OCIAD1: variants seen among roughly 807,000 people sequenced by gnomAD.
OCIAD1 encodes OCIA domain containing 1.
A neutral mutation model predicts 38.9 loss-of-function variants in OCIAD1; 29 were observed. The ratio of observed to expected loss-of-function variants is 0.74; its 90% CI spans 0.55 to 1.02. The LOEUF is 1.02. Ranked by LOEUF, OCIAD1 falls within the 50% of genes least tolerant of loss-of-function variation. The probability of loss-of-function intolerance (pLI) is 0.00; values close to 1 mark genes in which losing one functional copy is unlikely to be tolerated. For synonymous variants in OCIAD1, 110 were observed against 92.0 expected (o/e 1.20, Z -1.12); for missense variants, 288 against 289.6 (o/e 0.99, Z 0.04).
At chr4:48,845,373 A>G (rs1001091976) in intron 4 of OCIAD1, among the ~76,000 whole-genome samples, 19 of 152,212 alleles carry the variant, frequency 1.2e-4, no homozygotes, top group African/African-American at 4.6e-4. Flanking sequence ...AATATAATGG[A>G]CAGTTTTTGT....
At chr4:48,817,588 C>A (rs528126587) in intron 1 of OCIAD1, among the ~76,000 whole-genome samples, 3 of 152,184 alleles carry the variant, frequency 2.0e-5, no homozygotes, top group Non-Finnish European at 4.4e-5. Flanking sequence ...ATTGTTTACT[C>A]CCCTGGAAAG....
chr4:48,842,532 C>A (rs1778630761), intron 3 of OCIAD1, 104 bp from the exon 4 acceptor site: 1 of 719,660 alleles, frequency 1.4e-6, no homozygotes, highest in East Asian at 2.6e-5. Flanking sequence ...CTTAGTTATG[C>A]AATATAATTC....
chr4:48,850,804 A>G (rs1779384919), intron 6 of OCIAD1, among the ~76,000 whole-genome samples: 1 of 152,098 alleles, frequency 6.6e-6, no homozygotes, highest in South Asian at 2.1e-4. Context: ...CAAACTCCTG[A>G]GCTCAAGTGA....
At chr4:48,859,910 CAT>C (rs1464643501) in intron 8 of OCIAD1, among the ~76,000 whole-genome samples, 5 of 152,104 alleles carry the variant, frequency 3.3e-5, no homozygotes, top group Non-Finnish European at 5.9e-5. Context: ...AACCATGTAA[CAT>C]ATACTCATGA....
At chr4:48,809,526 A>AAAAT (rs1032660723) in intron 1 of OCIAD1, among the ~76,000 whole-genome samples, 12 of 152,096 alleles carry the variant, frequency 7.9e-5, no homozygotes, top group Admixed American at 7.2e-4. Context: ...ACTCTGTCTC[A>AAAAT]AAATAAATAA....
intron 5 of OCIAD1, among the ~76,000 whole-genome samples, chr4:48,849,363 G>C (rs1438391102): frequency 6.6e-6 from 1 of 152,104 alleles, no homozygotes; most frequent in Non-Finnish European, 1.5e-5. Context: ...AGAAGTACCT[G>C]AGGCTTTTCA....
At chr4:48,808,488 G>T (rs904422417) in intron 1 of OCIAD1, among the ~76,000 whole-genome samples, 10 of 146,596 alleles carry the variant, frequency 6.8e-5, no homozygotes, top group African/African-American at 2.5e-4. Flanking sequence ...AAAAAACAAA[G>T]AAAAAAAAAA....
chr4:48,828,647 C>A (rs1306873250), upstream of OCIAD1, among the ~76,000 whole-genome samples: 1 of 152,102 alleles, frequency 6.6e-6, no homozygotes, highest in Non-Finnish European at 1.5e-5. Context: ...ATGAACAACT[C>A]CAGATGCACC....
intron 1 of OCIAD1, among the ~76,000 whole-genome samples, chr4:48,822,389 T>C (rs184397658): frequency 1.6e-4 from 24 of 152,282 alleles, no homozygotes; most frequent in African/African-American, 5.3e-4. Flanking sequence ...TACGTAAAAA[T>C]TAACTCAAGA....
chr4:48,821,881 A>G (rs1460741378), intron 1 of OCIAD1, among the ~76,000 whole-genome samples: 1 of 152,202 alleles, frequency 6.6e-6, no homozygotes, highest in Non-Finnish European at 1.5e-5. Context: ...ACCACTGCTC[A>G]AGGAAATACG....
chr4:48,860,564 C>T (rs1029526659), intron 8 of OCIAD1, among the ~76,000 whole-genome samples, 161 bp from the exon 9 acceptor site: 8 of 152,180 alleles, frequency 5.3e-5, no homozygotes, highest in African/African-American at 1.9e-4. Flanking sequence ...CCCAAGTTCA[C>T]AAAAGTCTGG....
Position 48,861,580 on chromosome 4 carries a change from A to C in OCIAD1, c.*818A>C, listed in dbSNP as rs1340620925. On this transcript the variant is annotated 3_prime_UTR_variant, in exon 9 of 9. Transcript: ENST00000264312. The stretch of plus-strand genomic sequence containing the variant: ...GTGTGCCTGTAGTCCTAGTTACTTA[A>C]GAGGCTGAGTTGGGAGGATCAGTTG... The C allele has an allele frequency of 6.6e-6, 1 of 152,074 alleles. No homozygotes were observed. The highest frequency in any genetic ancestry group is 2.4e-5 in the African/African-American group (1 of 41,408). 9.4% of individuals were successfully genotyped at this position (152,074 alleles called of 1,614,324 possible). A position where few individuals can be genotyped will look rare whatever the true frequency, so the allele number is the denominator to read the frequency against.
At chr4:48,831,397 C>T (rs747721177) in intron 1 of OCIAD1, 148 bp downstream of exon 1, 4 of 875,186 alleles carry the variant, frequency 4.6e-6, no homozygotes, top group African/African-American at 3.5e-5. Flanking sequence ...TCCTGAGTGC[C>T]GGTGACTGCG....
intron 7 of OCIAD1, among the ~76,000 whole-genome samples, chr4:48,855,161 A>G (rs949121916): frequency 1.3e-5 from 2 of 152,168 alleles, no homozygotes; most frequent in East Asian, 1.9e-4. Flanking sequence ...TCAAACTACC[A>G]TATTTCGCAA....
At chr4:48,815,458 A>G (rs1777135022) in intron 1 of OCIAD1, among the ~76,000 whole-genome samples, 1 of 152,228 alleles carries the variant, frequency 6.6e-6, no homozygotes, top group African/African-American at 2.4e-5. Flanking sequence ...GCATGAAACT[A>G]TGCTTTTTTG....
chr4:48,838,804 T>C (rs1778250381), intron 3 of OCIAD1, among the ~76,000 whole-genome samples: 2 of 152,248 alleles, frequency 1.3e-5, no homozygotes, highest in African/African-American at 2.4e-5. Context: ...ATTAGACTTG[T>C]TGATCTAGGG....
At chr4:48,809,546 A>T (rs1182419539) in intron 1 of OCIAD1, among the ~76,000 whole-genome samples, 1 of 152,096 alleles carries the variant, frequency 6.6e-6, no homozygotes, top group Non-Finnish European at 1.5e-5. Context: ...AATAAATAAA[A>T]ATAAATAAAA....
upstream of OCIAD1, chr4:48,831,015 T>C (rs540069667): frequency 5.5e-6 from 1 of 180,460 alleles, no homozygotes; most frequent in Non-Finnish European, 1.2e-5. Flanking sequence ...GGCTGCTGGC[T>C]CTCAGACCCG....
At chr4:48,807,261 A>G (rs969941001) in intron 1 of OCIAD1, among the ~76,000 whole-genome samples, 11 of 151,958 alleles carry the variant, frequency 7.2e-5, no homozygotes, top group Admixed American at 6.6e-4. Flanking sequence ...TCAGGTTTAT[A>G]GTGAGCTACG....
Sources: allele counts gnomAD v4.1 joint callset (sites outside exome capture counted in the v4.1 genomes callset), GRCh38; gene constraint gnomAD v4.1.1; transcripts MANE v1.5; gene names NCBI Gene and HGNC (gene_info 2026-07-23, HGNC 2026-07-21).